CDH18: variants seen among roughly 807,000 people sequenced by gnomAD.
The protein encoded by CDH18 is cadherin-18.
Under a neutral mutation model 67.9 loss-of-function variants are expected in CDH18, and 31 were observed. The observed-to-expected ratio is 0.46, with a 90% CI of 0.34 to 0.62. CDH18 has a LOEUF of 0.62. Among genes scored for constraint, CDH18 ranks in the 20% least tolerant of loss-of-function variants. The pLI is 0.01. For missense variants in CDH18, 890 were observed against 975.5 expected, an observed-to-expected ratio of 0.91 and a Z score of 1.17; for synonymous variants, 362 against 347.2, an observed-to-expected ratio of 1.04 and a Z score of -0.48.
intron 2 of CDH18, among the ~76,000 whole-genome samples, chr5:20,208,878 C>T (rs1490702903): frequency 6.6e-6 from 1 of 151,906 alleles, no homozygotes; most frequent in African/African-American, 2.4e-5. Context: ...TCAAACAACT[C>T]AATAGCAATA....
intron 5 of CDH18, among the ~76,000 whole-genome samples, chr5:19,690,154 G>A (rs1761671099): frequency 6.6e-6 from 1 of 151,090 alleles, no homozygotes; most frequent in African/African-American, 2.4e-5. Flanking sequence ...AGGAATTCTG[G>A]AAATTATACA....
At chr5:19,569,291 C>T (rs1740958189) in intron 8 of CDH18, among the ~76,000 whole-genome samples, 1 of 152,242 alleles carries the variant, frequency 6.6e-6, no homozygotes. Flanking sequence ...TTCCTTCATT[C>T]TTCATTTCTC....
rs545696098 is a variant in CDH18, at chr5:19,489,833, AAC to A, written c.1631-6283_1631-6282del. On this transcript the variant is annotated intron_variant, in intron 11 of 12. Coordinates refer to ENST00000382275, the MANE Select transcript of CDH18 (RefSeq NM_004934.5). Reference sequence around the variant, plus strand: ...AATATCAGGAAATGTGCTTATGAATAACACACAAATTTGTTGAAGTGTTAATT... The same window carrying A: ...AATATCAGGAAATGTGCTTATGAATAACACAAATTTGTTGAAGTGTTAATT... Among the ~76,000 whole-genome samples the A allele has an allele frequency of 3.3e-5, 5 of 152,362 alleles. No homozygotes were observed. The South Asian group carries it at 6.2e-4, about 19-fold the overall frequency.
intron 1 of CDH18, among the ~76,000 whole-genome samples, chr5:20,316,448 ATCT>A (rs1405716619): frequency 4.6e-5 from 7 of 152,064 alleles, no homozygotes; most frequent in Non-Finnish European, 1.5e-5. Flanking sequence ...GCTAGTGATG[ATCT>A]TCTTAAAAAT....
At chr5:19,892,862 G>A (rs1039681107) in intron 2 of CDH18, among the ~76,000 whole-genome samples, 7 of 152,084 alleles carry the variant, frequency 4.6e-5, no homozygotes, top group African/African-American at 1.7e-4. Context: ...ACCCACTTAC[G>A]TGGCTTCTAA....
At chr5:20,538,770 G>A in intron 1 of CDH18, among the ~76,000 whole-genome samples, 1 of 151,856 alleles carries the variant, frequency 6.6e-6, no homozygotes, top group East Asian at 1.9e-4. Context: ...GAAAAATATT[G>A]CATGTTAGCT....
intron 1 of CDH18, among the ~76,000 whole-genome samples, chr5:20,525,398 G>A (rs759360006): frequency 1.3e-5 from 2 of 152,064 alleles, no homozygotes; most frequent in Non-Finnish European, 2.9e-5. Context: ...TAGGACTTAT[G>A]CAGGCCGCAG....
chr5:19,926,116 T>C (rs2388045), intron 2 of CDH18, among the ~76,000 whole-genome samples: 137,475 of 152,004 alleles, frequency 0.9, 62,426 homozygotes, highest in South Asian at 0.98. Context: ...TGCAAATCTC[T>C]AAAAATTTGT....
chr5:20,168,521 T>C (rs1251902929), intron 2 of CDH18, among the ~76,000 whole-genome samples: 1 of 152,144 alleles, frequency 6.6e-6, no homozygotes, highest in Non-Finnish European at 1.5e-5. Flanking sequence ...GAGAGGCAGA[T>C]ATCACTGGAT....
At chr5:20,279,226 A>C (rs1299330501) in intron 1 of CDH18, among the ~76,000 whole-genome samples, 1 of 152,176 alleles carries the variant, frequency 6.6e-6, no homozygotes, top group African/African-American at 2.4e-5. Context: ...ATGCAAATAG[A>C]AATAAAAAAG....
rs1035545798 is a variant in CDH18, at chr5:20,488,743, G to A, written c.-580+86719C>T. Among the ~76,000 whole-genome samples, 5 of 148,624 alleles carry A rather than the reference G, an allele frequency of 3.4e-5. No homozygotes were observed. The South Asian group carries it at 6.4e-4, about 19-fold the overall frequency. On this transcript the variant is annotated intron_variant, in intron 1 of 14. Transcript: ENST00000507958. ...TTTATCAATAAAATTCCTTGAAGGA[G>A]GAATAATAAAACTAGCAGTTCTTAA...
intron 2 of CDH18, among the ~76,000 whole-genome samples, chr5:20,048,918 T>G (rs1741147396): frequency 6.6e-6 from 1 of 151,784 alleles, no homozygotes; most frequent in East Asian, 1.9e-4. Flanking sequence ...CATAATTGAT[T>G]TCTATATAAA....
chr5:20,116,913 A>G (rs1196333089), intron 2 of CDH18, among the ~76,000 whole-genome samples: 5 of 152,090 alleles, frequency 3.3e-5, no homozygotes, highest in Admixed American at 6.6e-5. Context: ...AAAGAAAACA[A>G]CATATATTTT....
chr5:20,217,074 G>C (rs1007190809), intron 2 of CDH18, among the ~76,000 whole-genome samples: 1 of 151,714 alleles, frequency 6.6e-6, no homozygotes, highest in African/African-American at 2.4e-5. Flanking sequence ...GAGAAATGAA[G>C]AGTTTCTCAG....
At chr5:19,935,362 G>A (rs938068354) in intron 2 of CDH18, among the ~76,000 whole-genome samples, 9 of 151,122 alleles carry the variant, frequency 6.0e-5, no homozygotes, top group East Asian at 1.9e-4. Context: ...TTGAGGTTTC[G>A]GTCACCAACA....
chr5:19,573,432 C>T (rs1440050221), intron 7 of CDH18, among the ~76,000 whole-genome samples: 1 of 152,088 alleles, frequency 6.6e-6, no homozygotes, highest in Admixed American at 6.5e-5. Context: ...GCGCCTGCCG[C>T]CACGCCCGGC....
At chr5:20,212,719 C>G (rs1740448827) in intron 2 of CDH18, among the ~76,000 whole-genome samples, 1 of 151,968 alleles carries the variant, frequency 6.6e-6, no homozygotes, top group South Asian at 2.1e-4. Context: ...AAAAACATAT[C>G]TTAAATTTTA....
At chr5:20,394,667 AT>A (rs572638559) in intron 1 of CDH18, among the ~76,000 whole-genome samples, 4 of 152,246 alleles carry the variant, frequency 2.6e-5, no homozygotes, top group African/African-American at 9.6e-5. Flanking sequence ...GGGAGAAAAT[AT>A]TTGCAAACTA....
chr5:19,803,558 T>C (rs1454033331), intron 3 of CDH18, among the ~76,000 whole-genome samples: 1 of 152,156 alleles, frequency 6.6e-6, no homozygotes, highest in Non-Finnish European at 1.5e-5. Context: ...CCAGCACTGG[T>C]CTAAACCCAT....
Sources: gnomAD v4.1 joint callset for allele counts (sites outside exome capture counted in the v4.1 genomes callset) on GRCh38, gnomAD v4.1.1 for gene constraint, MANE v1.5 for transcripts, NCBI Gene and HGNC (gene_info 2026-07-23, HGNC 2026-07-21) for gene names.